ARHGEF28: variants seen among roughly 807,000 people sequenced by gnomAD.
ARHGEF28 encodes 190 kDa guanine nucleotide exchange factor.
Under a neutral mutation model 206.6 loss-of-function variants are expected in ARHGEF28, and 152 were observed. That is an observed-to-expected ratio of 0.74 (90% confidence interval 0.64 to 0.84). ARHGEF28 has a LOEUF of 0.84. ARHGEF28 is among the 40% of genes least tolerant of loss of function. The pLI is 0.00. For synonymous variants in ARHGEF28, 763 were observed against 776.4 expected (o/e 0.98, Z 0.29); for missense variants, 2,028 against 2,073.2 (o/e 0.98, Z 0.42).
chr5:73,849,196 T>C (rs769213756), intron 13 of ARHGEF28, 109 bp downstream of exon 13: 68 of 802,900 alleles, frequency 8.5e-5, no homozygotes, highest in Non-Finnish European at 1.2e-4. Flanking sequence ...AATTTTCCAT[T>C]CTGTTTTCAT....
In ARHGEF28 at chr5:73,635,773, G is replaced by A. The variant is rs531918524; in HGVS notation, c.-12+9451G>A. Among the ~76,000 whole-genome samples the A allele has an allele frequency of 2.0e-5, 3 of 152,304 alleles. No homozygotes were observed. The East Asian group carries it at 5.8e-4, about 29-fold the overall frequency. On this transcript the variant is annotated intron_variant, in intron 1 of 35. Transcript: ENST00000513042. ...CTTCAGGAATGGATTTCTGGAAGTTGCTTTTATAGCAGTTATCACAGCCCC... is the reference window on the plus strand; with the variant it reads ...CTTCAGGAATGGATTTCTGGAAGTTACTTTTATAGCAGTTATCACAGCCCC...
At chr5:73,634,955 G>A (rs371747833) in intron 1 of ARHGEF28, among the ~76,000 whole-genome samples, 3 of 152,176 alleles carry the variant, frequency 2.0e-5, no homozygotes, top group Admixed American at 1.3e-4. Flanking sequence ...GGAAACCTCA[G>A]GTTATTTGGG....
intron 1 of ARHGEF28, among the ~76,000 whole-genome samples, chr5:73,652,889 T>A (rs1744923237): frequency 6.6e-6 from 1 of 152,152 alleles, no homozygotes; most frequent in Admixed American, 6.5e-5. Flanking sequence ...AATCTCCTCA[T>A]TCCTGGACCA....
rs60086897 is a variant in ARHGEF28, at chr5:73,910,381, C to CAAAAAAAAA, written c.4647+501_4647+509dup. On this transcript the variant is annotated intron_variant, in intron 34 of 35. Transcript: ENST00000513042. Reference sequence around the variant, plus strand: ...GGGTGACAAAAGTAAAACACCATCTCAAAAAAAAAAAAAAAAAAAAAAAAA... The same window carrying CAAAAAAAAA: ...GGGTGACAAAAGTAAAACACCATCTCAAAAAAAAAAAAAAAAAAAAAAAAAAAAAAAAAA... Among the ~76,000 whole-genome samples the CAAAAAAAAA allele has an allele frequency of 3.2e-4, 10 of 30,992 alleles. 1 individual carries two copies. The highest frequency in any genetic ancestry group is 7.7e-4 in the African/African-American group (5 of 6,464). The allele number at this position is 30,992 out of a possible 152,430, so 20.3% of individuals were successfully genotyped here.
At chr5:73,657,276 A>C (rs1317147593) in intron 1 of ARHGEF28, among the ~76,000 whole-genome samples, 1 of 150,930 alleles carries the variant, frequency 6.6e-6, no homozygotes, top group Non-Finnish European at 1.5e-5. Context: ...TCTGTGCTAT[A>C]TTCTGGGTAA....
chr5:73,867,989 T>C lies in ARHGEF28; in HGVS notation c.2266T>C (p.Ser756Pro). Residue 756 changes from serine (S) to proline (P), a missense_variant, in exon 19 of 36, where the codon TCC (serine) becomes CCC (proline). Ser to Pro is a moderately conservative substitution (Grantham distance 74, BLOSUM62 -1). This residue lies in a region of ARHGEF28 where 1,002 missense variants were observed against 1,015.3 expected (regional missense o/e 0.99). Coordinates refer to ENST00000513042, the MANE Select transcript of ARHGEF28 (RefSeq NM_001177693.2). ...RETVGQVHPL[S>P]RSVPGTTLES... ...GACTGTGGGACAGGTCCATCCATTG[T>C]CCAGAAGTGTTCCAGGCACCACCTT... 1.2e-6 allele frequency: 2 copies of C among 1,613,948 alleles called. No individual in the cohort carries two copies. The highest frequency in any genetic ancestry group is 1.7e-6 in the Non-Finnish European group (2 of 1,179,860).
intron 1 of ARHGEF28, among the ~76,000 whole-genome samples, chr5:73,634,940 T>G (rs191650977): frequency 6.6e-6 from 1 of 152,320 alleles, no homozygotes; most frequent in East Asian, 1.9e-4. Context: ...ATCCTTAGAT[T>G]TTTAGGAAAC....
At chr5:73,771,433 A>G (rs1753215253) in intron 4 of ARHGEF28, among the ~76,000 whole-genome samples, 1 of 152,100 alleles carries the variant, frequency 6.6e-6, no homozygotes, top group Non-Finnish European at 1.5e-5. Context: ...CTGTAATCCT[A>G]GCTACTCAGG....
intron 9 of ARHGEF28, among the ~76,000 whole-genome samples, chr5:73,825,738 A>G (rs959191994): frequency 1.3e-5 from 2 of 152,274 alleles, no homozygotes; most frequent in Admixed American, 1.3e-4. Flanking sequence ...AAAGAAAGAA[A>G]ACAGTCAAGG....
intron 35 of ARHGEF28, among the ~76,000 whole-genome samples, chr5:73,940,427 G>A (rs1742531718): frequency 6.6e-6 from 1 of 152,134 alleles, no homozygotes; most frequent in Admixed American, 6.5e-5. Flanking sequence ...TGCCAAATAT[G>A]TTATTTGAGC....
chr5:73,905,165 T>A (rs538588659), intron 33 of ARHGEF28: 1 of 152,224 alleles, frequency 6.6e-6, no homozygotes, highest in East Asian at 1.9e-4. Flanking sequence ...TAGATTCTTA[T>A]AGGAGCGTGA....
chr5:73,666,971 G>A lies in ARHGEF28; in HGVS notation c.-11-17870G>A, dbSNP rs574472726. On this transcript the variant is annotated intron_variant, in intron 1 of 35. Transcript: ENST00000513042. The stretch of plus-strand genomic sequence containing the variant: ...TTTTGGCCCTCTGACCTCAAAAGCC[G>A]TAGCAGAGGGCACAGAAACCCTTAC... Among the ~76,000 whole-genome samples, 41 of 151,640 alleles carry A rather than the reference G, an allele frequency of 2.7e-4. No individual in the cohort carries two copies. In the South Asian group the frequency reaches 5.4e-3, roughly 20 times the overall value.
At chr5:73,859,394 G>C (rs1759250368) in intron 16 of ARHGEF28, among the ~76,000 whole-genome samples, 1 of 152,146 alleles carries the variant, frequency 6.6e-6, no homozygotes, top group South Asian at 2.1e-4. Context: ...AGAGGAGCAG[G>C]GGAAGTTTAC....
chr5:73,651,845 G>A (rs1356301759), intron 1 of ARHGEF28, among the ~76,000 whole-genome samples: 1 of 152,162 alleles, frequency 6.6e-6, no homozygotes, highest in African/African-American at 2.4e-5. Context: ...TGCAAGGGGA[G>A]AGGCAATTCT....
intron 2 of ARHGEF28, among the ~76,000 whole-genome samples, chr5:73,738,031 G>A (rs1260401507): frequency 2.6e-5 from 4 of 152,184 alleles, no homozygotes; most frequent in East Asian, 1.9e-4. Context: ...CAAAGGTGAC[G>A]GGAGCCCAGA....
chr5:73,705,062 G>A (rs996656422), intron 2 of ARHGEF28, among the ~76,000 whole-genome samples: 1 of 152,208 alleles, frequency 6.6e-6, no homozygotes, highest in Non-Finnish European at 1.5e-5. Context: ...AACATTTTGA[G>A]AACTGAGGTA....
intron 26 of ARHGEF28, among the ~76,000 whole-genome samples, chr5:73,890,453 A>G (rs925528336): frequency 6.6e-6 from 1 of 152,244 alleles, no homozygotes; most frequent in Admixed American, 6.5e-5. Flanking sequence ...AAGCCAGATT[A>G]ACAATGCTCC....
chr5:73,912,071 TAAA>T (rs200945214), intron 35 of ARHGEF28, among the ~76,000 whole-genome samples: 1 of 140,026 alleles, frequency 7.1e-6, no homozygotes. Context: ...TTTGTCATTG[TAAA>T]AAAAAAAAAA....
At chr5:73,685,604 ATTTTATTTT>A (rs1747412821) in intron 2 of ARHGEF28, among the ~76,000 whole-genome samples, 1 of 151,902 alleles carries the variant, frequency 6.6e-6, no homozygotes, top group Admixed American at 6.6e-5. Context: ...ATTGAAACAA[ATTTTATTTT>A]TTTTATTTTT....
Sources: allele counts gnomAD v4.1 joint callset (sites outside exome capture counted in the v4.1 genomes callset), GRCh38; gene constraint gnomAD v4.1.1; regional missense constraint gnomAD v4.1.1; transcripts MANE v1.5; gene names NCBI Gene and HGNC (gene_info 2026-07-23, HGNC 2026-07-21).